CLSTN1: variants seen among roughly 807,000 people sequenced by gnomAD.
CLSTN1 encodes calsyntenin 1, also known as calsyntenin-1.
CLSTN1 carries 28 observed loss-of-function variants against 108.3 expected under a neutral mutation model. The observed-to-expected ratio is 0.26, with a 90% confidence interval of 0.19 to 0.35. CLSTN1 has a LOEUF of 0.35. Ranked by LOEUF, CLSTN1 falls within the 10% of genes least tolerant of loss-of-function variation. CLSTN1 has a pLI of 1.00. For synonymous variants in CLSTN1, 524 were observed against 534.9 expected (o/e 0.98, Z 0.28); for missense variants, 1,157 against 1,302.6 (o/e 0.89, Z 1.72).
chr1:9,757,502 A>T (rs1331835221), intron 2 of CLSTN1, among the ~76,000 whole-genome samples: 1 of 152,144 alleles, frequency 6.6e-6, no homozygotes, highest in Non-Finnish European at 1.5e-5. Flanking sequence ...CGGCCTCCCA[A>T]AGTGCTGGGA....
intron 10 of CLSTN1, among the ~76,000 whole-genome samples, chr1:9,739,902 C>T (rs375981951): frequency 6.0e-5 from 9 of 151,204 alleles, no homozygotes; most frequent in South Asian, 2.1e-4. Context: ...CTGCAAGCTC[C>T]GCCTCCTGGG....
chr1:9,816,833 G>T (rs566838990), intron 1 of CLSTN1, among the ~76,000 whole-genome samples: 2 of 152,196 alleles, frequency 1.3e-5, no homozygotes, highest in South Asian at 4.1e-4. Context: ...TTTTAGTAGA[G>T]ATGGGGTTTC....
intron 2 of CLSTN1, among the ~76,000 whole-genome samples, chr1:9,758,006 G>C (rs116383848): frequency 0.012 from 1,854 of 151,544 alleles, 16 homozygotes; most frequent in Non-Finnish European, 0.02. Flanking sequence ...GTTTGTTTTG[G>C]GGGGGGGTGG....
At chr1:9,752,358 T>A (rs903118368) in intron 4 of CLSTN1, among the ~76,000 whole-genome samples, 3 of 152,308 alleles carry the variant, frequency 2.0e-5, no homozygotes, top group Admixed American at 6.5e-5. Flanking sequence ...CAGGGCATGC[T>A]TCTGAATCAG....
At chr1:9,761,574 A>G (rs1180688225) in intron 2 of CLSTN1, among the ~76,000 whole-genome samples, 1 of 152,154 alleles carries the variant, frequency 6.6e-6, no homozygotes, top group Non-Finnish European at 1.5e-5. Context: ...GATGAACCCA[A>G]CAAAGTATGG....
chr1:9,801,550 T>C (rs1188107947), intron 1 of CLSTN1, among the ~76,000 whole-genome samples: 3 of 145,922 alleles, frequency 2.1e-5, no homozygotes, highest in Non-Finnish European at 4.4e-5. Flanking sequence ...GAGGTCACCA[T>C]TATTGTTCGT....
chr1:9,744,271 C>G, intron 8 of CLSTN1, 124 bp downstream of exon 8: 1 of 1,388,538 alleles, frequency 7.2e-7, no homozygotes, highest in Non-Finnish European at 9.7e-7. Flanking sequence ...AGGCACACAG[C>G]ATGGCACATG....
intron 1 of CLSTN1, among the ~76,000 whole-genome samples, chr1:9,781,963 TG>T (rs1309303957): frequency 6.6e-6 from 1 of 152,224 alleles, no homozygotes; most frequent in African/African-American, 2.4e-5. Context: ...GCATTATAAC[TG>T]TGGATTTATA....
In CLSTN1 at chr1:9,773,335, T is replaced by C; in HGVS notation, c.151A>G (p.Asn51Asp). ...AGTGGGGGGTCGAGGAGCACGGTGTTGTCGTTCTCTGTGACTATGCCGTGG... is the reference window on the plus strand; with the variant it reads ...AGTGGGGGGTCGAGGAGCACGGTGTCGTCGTTCTCTGTGACTATGCCGTGG... ...TYHGIVTEND[N>D]TVLLDPPLIA... Residue 51 changes from asparagine to aspartate, a missense_variant, in exon 2 of 19, where the codon AAC becomes GAC. Coordinates refer to ENST00000377298, the MANE Select transcript of CLSTN1 (RefSeq NM_001009566.3). 1 of 1,614,174 alleles carries C rather than the reference T, an allele frequency of 6.2e-7. No individual in the cohort carries two copies.
intron 16 of CLSTN1, 144 bp downstream of exon 16, chr1:9,733,257 C>T (rs929182541): frequency 1.0e-6 from 1 of 979,404 alleles, no homozygotes; most frequent in Middle Eastern, 3.2e-4. Flanking sequence ...AGGCCCCAGG[C>T]TGGAAAGGCG....
intron 7 of CLSTN1, among the ~76,000 whole-genome samples, chr1:9,745,688 C>T (rs1051145625): frequency 2.0e-5 from 3 of 151,560 alleles, no homozygotes; most frequent in African/African-American, 7.3e-5. Flanking sequence ...AAGTGGAGTC[C>T]TGCTATGTAT....
intron 5 of CLSTN1, among the ~76,000 whole-genome samples, chr1:9,750,364 A>G (rs922928900): frequency 5.9e-5 from 9 of 152,174 alleles, no homozygotes; most frequent in African/African-American, 2.2e-4. Context: ...ATCTCTGGAA[A>G]GTGTTTGCAA....
In CLSTN1 at chr1:9,735,970, G is replaced by A. The variant is rs759629198; in HGVS notation, c.1649C>T (p.Ala550Val). The stretch of plus-strand genomic sequence containing the variant: ...CAGACAGTCGATCACCTTCTTATCC[G>A]CGAGTTTCCCGGAACGGAGAGTTAA... ...AGLTLRSGKL[A>V]DKKVIDCLYT... Residue 550 changes from alanine to valine, a missense_variant, in exon 12 of 19, where the codon GCG (alanine) becomes GTG (valine). By Grantham distance (64) the Ala-to-Val change is moderately conservative. Coordinates refer to ENST00000377298, the MANE Select transcript of CLSTN1 (RefSeq NM_001009566.3). 26 of 1,614,022 alleles carry A rather than the reference G, an allele frequency of 1.6e-5. No individual in the cohort carries two copies. In the South Asian group the frequency reaches 1.8e-4, roughly 11 times the overall value.
At chr1:9,798,013 T>G (rs1357104270) in intron 1 of CLSTN1, among the ~76,000 whole-genome samples, 1 of 150,732 alleles carries the variant, frequency 6.6e-6, no homozygotes, top group Non-Finnish European at 1.5e-5. Context: ...AGAATTGCTT[T>G]AACCTGGGAG....
chr1:9,783,127 A>G (rs940257461), intron 1 of CLSTN1, among the ~76,000 whole-genome samples: 7 of 152,246 alleles, frequency 4.6e-5, no homozygotes, highest in Admixed American at 2.6e-4. Context: ...CCCTGATATC[A>G]GTCAACCCAG....
intron 1 of CLSTN1, among the ~76,000 whole-genome samples, chr1:9,795,456 G>A (rs765321839): frequency 2.0e-5 from 3 of 151,144 alleles, no homozygotes; most frequent in Non-Finnish European, 2.9e-5. Flanking sequence ...ATAAGCCACC[G>A]TGCCCGGCCA....
chr1:9,731,987 G>A (rs1462149042), intron 16 of CLSTN1, 91 bp from the exon 17 acceptor site: 3 of 1,515,084 alleles, frequency 2.0e-6, no homozygotes, highest in Non-Finnish European at 2.7e-6. Flanking sequence ...CATGACCAGT[G>A]CCACTCAGAG....
chr1:9,801,772 TCTCGAA>T (rs1352737655), intron 1 of CLSTN1, among the ~76,000 whole-genome samples: 3 of 152,246 alleles, frequency 2.0e-5, no homozygotes, highest in South Asian at 4.1e-4. Flanking sequence ...GTCAGGCTGA[TCTCGAA>T]CTCCGGAGCT....
In CLSTN1 at chr1:9,730,438, C is replaced by G. The variant is rs1459270852; in HGVS notation, c.*70G>C. Reference sequence around the variant, plus strand: ...CGAAATGACTTTGTACATCGTGGACCCTTGGGACTGGGAGAACGGATGGCA... The same window carrying G: ...CGAAATGACTTTGTACATCGTGGACGCTTGGGACTGGGAGAACGGATGGCA... On this transcript the variant is annotated 3_prime_UTR_variant, in exon 19 of 19. Coordinates refer to ENST00000377298, the MANE Select transcript of CLSTN1 (RefSeq NM_001009566.3). This position sits in a 1 kb window ranked among gnomAD's most constrained non-coding sequence, Gnocchi z 5.6. The G allele has an allele frequency of 4.9e-6, 7 of 1,434,022 alleles. No homozygotes were observed. Among genetic ancestry groups the G allele is most frequent in the East Asian group, 2.3e-5 (1 of 44,042 alleles). The allele number at this position is 1,434,022 out of a possible 1,614,324, so 88.8% of individuals were successfully genotyped here. A position where few individuals can be genotyped will look rare whatever the true frequency, so the allele number is the denominator to read the frequency against.
Sources: allele counts gnomAD v4.1 joint callset (sites outside exome capture counted in the v4.1 genomes callset), GRCh38; gene constraint gnomAD v4.1.1; non-coding constraint Gnocchi (gnomAD v3.1); transcripts MANE v1.5; gene names NCBI Gene and HGNC (gene_info 2026-07-23, HGNC 2026-07-21).